Variants in RNF115 observed in about 807,000 individuals in gnomAD.
The protein encoded by RNF115 is ring finger protein 115.
RNF115 carries 31 observed loss-of-function variants against 39.2 expected under a neutral mutation model. That is an observed-to-expected ratio of 0.79 (90% CI 0.59 to 1.07). The LOEUF is 1.07. RNF115 is among the 50% of genes least tolerant of loss of function. RNF115 has a pLI of 0.00. For missense variants in RNF115, 384 were observed against 381.7 expected, an observed-to-expected ratio of 1.01 and a Z score of -0.05; for synonymous variants, 124 against 131.0, an observed-to-expected ratio of 0.95 and a Z score of 0.37.
intron 1 of RNF115, among the ~76,000 whole-genome samples, chr1:145,799,984 T>C (rs1460843220): frequency 6.6e-6 from 1 of 152,246 alleles, no homozygotes; most frequent in African/African-American, 2.4e-5. Context: ...GCTGGATCTA[T>C]CAAATGCTTT....
intron 4 of RNF115, among the ~76,000 whole-genome samples, chr1:145,757,979 G>A (rs781819093): frequency 6.6e-6 from 1 of 152,120 alleles, no homozygotes; most frequent in African/African-American, 2.4e-5. Flanking sequence ...GATAGATTTT[G>A]GGAGGAAGTG....
At chr1:145,779,772 C>A (rs1451949621) in intron 3 of RNF115, among the ~76,000 whole-genome samples, 2 of 151,990 alleles carry the variant, frequency 1.3e-5, no homozygotes, top group Non-Finnish European at 2.9e-5. Context: ...AAGCGATTCT[C>A]CTGCCTCAGC....
chr1:145,752,606 T>TTTTTTTTTTTTTTA (rs1658133365), intron 5 of RNF115, among the ~76,000 whole-genome samples: 2 of 129,304 alleles, frequency 1.5e-5, no homozygotes, highest in African/African-American at 5.4e-5. Flanking sequence ...TTTTTTTTTT[T>TTTTTTTTTTTTTTA]GAGACAGGGT....
At chr1:145,763,390 A>G (rs1553714123) in intron 4 of RNF115, among the ~76,000 whole-genome samples, 1 of 152,194 alleles carries the variant, frequency 6.6e-6, no homozygotes, top group Non-Finnish European at 1.5e-5. Flanking sequence ...AAAACAAAAG[A>G]GTAAAGCACA....
In RNF115 at chr1:145,741,241, G is replaced by C. The variant is rs587761595; in HGVS notation, c.*5625C>G. The C allele has an allele frequency of 6.6e-6, 1 of 152,308 alleles. No homozygotes were observed. The highest frequency in any genetic ancestry group is 1.5e-5 in the Non-Finnish European group (1 of 68,018). 9.4% of individuals were successfully genotyped at this position (152,308 alleles called of 1,614,324 possible). On this transcript the variant is annotated 3_prime_UTR_variant, in exon 9 of 9. Transcript: ENST00000582693. ...GATCACAGATCTAAGTGTTCTGGTT[G>C]AAAGAGGAAGAAGAGGCAACATACA...
chr1:145,771,783 G>A lies in RNF115; in HGVS notation c.356C>T (p.Pro119Leu), dbSNP rs368830195. ...THTDFWGARP[P>L]RLPLGRRYRS... ...GTATCTCCGACCCAATGGCAACCGT[G>A]GAGGTCTTGCTCCCCAGAAGTCAGT... The change falls in exon 4 of 9, where the codon CCA becomes CTA. Residue 119 changes from proline (P) to leucine (L), a missense_variant. Pro to Leu is a moderately conservative substitution (Grantham distance 98, BLOSUM62 -3). Coordinates refer to ENST00000582693, the MANE Select transcript of RNF115 (RefSeq NM_014455.4). The A allele has an allele frequency of 4.4e-5, 71 of 1,614,060 alleles. No individual in the cohort carries two copies. The highest frequency in any genetic ancestry group is 4.7e-5 in the Non-Finnish European group (56 of 1,180,022).
chr1:145,752,935 T>A, intron 5 of RNF115, 43 bp downstream of exon 5: 1 of 1,366,106 alleles, frequency 7.3e-7, no homozygotes, highest in Non-Finnish European at 1.0e-6. Context: ...ACCTAAAATA[T>A]GTCACTCCAA....
Position 145,750,479 on chromosome 1 carries a change from T to A in RNF115, c.595A>T (p.Thr199Ser), listed in dbSNP as rs2101459699. The A allele has an allele frequency of 6.2e-7, 1 of 1,613,950 alleles. No individual in the cohort carries two copies. The highest frequency in any genetic ancestry group is 1.3e-5 in the African/African-American group (1 of 75,018). Residue 199 changes from threonine to serine, a missense_variant, in exon 7 of 9, where the codon ACA (threonine) becomes TCA (serine). Thr to Ser is a moderately conservative substitution (Grantham distance 58). Transcript: ENST00000582693. ...VTQLLGQLEN[T>S]GPPPADKEKI... is the part of the protein sequence containing the mutation. The stretch of plus-strand genomic sequence containing the variant: ...TCCTTGTCAGCTGGGGGAGGGCCTG[T>A]GTTTTCCAGTTGTCCTAAAAGCTAC...
intron 3 of RNF115, among the ~76,000 whole-genome samples, chr1:145,778,011 A>T (rs1647960430): frequency 1.3e-5 from 2 of 152,222 alleles, no homozygotes; most frequent in Admixed American, 1.3e-4. Context: ...AAAACATATG[A>T]TCACACAAAA....
At chr1:145,789,034 G>A (rs587760025) in intron 1 of RNF115, 68 bp from the exon 2 acceptor site, 2 of 953,192 alleles carry the variant, frequency 2.1e-6, no homozygotes, top group African/African-American at 1.6e-5. Flanking sequence ...TGTAGTTTCA[G>A]AATAACATGC....
At chr1:145,795,050 G>A (rs1025393455) in intron 1 of RNF115, among the ~76,000 whole-genome samples, 44 of 150,552 alleles carry the variant, frequency 2.9e-4, no homozygotes, top group African/African-American at 1.0e-3. Flanking sequence ...TAGTGTGTCC[G>A]GAGTTTGTTC....
chr1:145,814,983 A>G (rs1260642485), intron 1 of RNF115, among the ~76,000 whole-genome samples: 2 of 152,272 alleles, frequency 1.3e-5, no homozygotes, highest in African/African-American at 4.8e-5. Flanking sequence ...ATTAAAAAAT[A>G]TTTAATTAGC....
intron 1 of RNF115, among the ~76,000 whole-genome samples, chr1:145,811,226 A>G (rs1407639811): frequency 6.6e-6 from 1 of 151,932 alleles, no homozygotes; most frequent in African/African-American, 2.4e-5. Context: ...AAAGTAAGAG[A>G]AAACTGTACT....
chr1:145,818,302 G>A (rs1289378900), intron 1 of RNF115, among the ~76,000 whole-genome samples: 1 of 151,684 alleles, frequency 6.6e-6, no homozygotes, highest in African/African-American at 2.4e-5. Context: ...TGACTGGTGT[G>A]AGATGGTATC....
intron 3 of RNF115, among the ~76,000 whole-genome samples, chr1:145,780,177 G>A (rs1381399473): frequency 2.6e-5 from 4 of 151,992 alleles, no homozygotes; most frequent in Non-Finnish European, 4.4e-5. Context: ...GCAGTAAGCC[G>A]AGATCGTGCC....
intron 1 of RNF115, among the ~76,000 whole-genome samples, chr1:145,805,047 A>T (rs10797654): frequency 0.037 from 5,529 of 149,184 alleles, 333 homozygotes; most frequent in African/African-American, 0.13. Flanking sequence ...TATAAATATT[A>T]AAAAAAAAAC....
intron 4 of RNF115, among the ~76,000 whole-genome samples, chr1:145,770,469 C>T (rs1647585015): frequency 6.6e-6 from 1 of 151,992 alleles, no homozygotes; most frequent in Admixed American, 6.6e-5. Context: ...TACATGTGGC[C>T]AATGAGCACT....
At position 145,745,374 on chromosome 1, in the gene RNF115, A is replaced by T. The variant is rs1176347400; in HGVS notation, c.*1492T>A. ...GGTGGGAGGATCACTTGAGCCTGGGAGGTCGAGGCTGTGGTGAGCTGAGAT... is the reference window on the plus strand; with the variant it reads ...GGTGGGAGGATCACTTGAGCCTGGGTGGTCGAGGCTGTGGTGAGCTGAGAT... On this transcript the variant is annotated 3_prime_UTR_variant, in exon 9 of 9. Transcript: ENST00000582693. 2.0e-5 allele frequency: 3 copies of T among 151,698 alleles called. No individual in the cohort carries two copies. The highest frequency in any genetic ancestry group is 7.3e-5 in the African/African-American group (3 of 41,254). The allele number at this position is 151,698 out of a possible 1,614,324, so 9.4% of individuals were successfully genotyped here.
At chr1:145,766,586 C>T (rs1647287692) in intron 4 of RNF115, among the ~76,000 whole-genome samples, 1 of 151,312 alleles carries the variant, frequency 6.6e-6, no homozygotes. Flanking sequence ...CAGAGGCGCC[C>T]CTCACCTCCC....
Sources: gnomAD v4.1 joint callset for allele counts (sites outside exome capture counted in the v4.1 genomes callset) on GRCh38, gnomAD v4.1.1 for gene constraint, MANE v1.5 for transcripts, NCBI Gene and HGNC (gene_info 2026-07-23, HGNC 2026-07-21) for gene names.